The following DENND5B variants were observed in gnomAD, a reference collection of about 807,000 sequenced individuals.
DENND5B encodes the protein DENN domain-containing protein 5B.
A neutral mutation model predicts 140.6 loss-of-function variants in DENND5B; 34 were observed. The ratio of observed to expected loss-of-function variants is 0.24; its 90% CI spans 0.18 to 0.32. DENND5B has a LOEUF of 0.32. Among genes scored for constraint, DENND5B ranks in the 10% least tolerant of loss-of-function variants. The pLI, the probability that DENND5B is intolerant of heterozygous loss-of-function variation, is 1.00. For missense variants in DENND5B, 1,142 were observed against 1,560.2 expected (o/e 0.73, Z 4.52); for synonymous variants, 551 against 562.1 (o/e 0.98, Z 0.28).
At chr12:31,453,260 G>A (rs2138144279) in intron 4 of DENND5B, among the ~76,000 whole-genome samples, 1 of 152,218 alleles carries the variant, frequency 6.6e-6, no homozygotes, top group South Asian at 2.1e-4. Context: ...ATAATTAAGA[G>A]TTCACACAAG....
chr12:31,419,124 T>C (rs926785238), intron 11 of DENND5B, among the ~76,000 whole-genome samples: 3 of 152,234 alleles, frequency 2.0e-5, no homozygotes, highest in African/African-American at 7.2e-5. Flanking sequence ...AAGGTTTCCA[T>C]GAATCCTACT....
intron 1 of DENND5B, among the ~76,000 whole-genome samples, chr12:31,585,335 C>A (rs141459251): frequency 5.3e-5 from 8 of 152,158 alleles, no homozygotes; most frequent in African/African-American, 1.9e-4. Flanking sequence ...CTATTGTGAG[C>A]CAAGGATGTC....
At chr12:31,498,005 AAGAT>A (rs1041761336) in intron 1 of DENND5B, among the ~76,000 whole-genome samples, 1 of 151,672 alleles carries the variant, frequency 6.6e-6, no homozygotes, top group African/African-American at 2.4e-5. Context: ...AAAGAAAAGA[AAGAT>A]AGATTGATTT....
At chr12:31,433,123 T>C (rs780676984) in intron 8 of DENND5B, 32 bp downstream of exon 8, 1 of 1,593,134 alleles carries the variant, frequency 6.3e-7, no homozygotes, top group Non-Finnish European at 8.6e-7. Flanking sequence ...TGGCGCTTGC[T>C]GTGAGGCACC....
intron 3 of DENND5B, among the ~76,000 whole-genome samples, chr12:31,463,266 A>C (rs1221352603): frequency 7.0e-6 from 1 of 143,780 alleles, no homozygotes. Context: ...TCTCAAAAAA[A>C]CAAAAAACAA....
chr12:31,542,107 G>A (rs1394450287), intron 1 of DENND5B, among the ~76,000 whole-genome samples: 2 of 152,044 alleles, frequency 1.3e-5, no homozygotes, highest in Non-Finnish European at 2.9e-5. Flanking sequence ...CCAATACGGT[G>A]AAACCCTGTC....
chr12:31,411,140 A>G (rs1183927103), intron 13 of DENND5B, among the ~76,000 whole-genome samples: 1 of 151,784 alleles, frequency 6.6e-6, no homozygotes, highest in Non-Finnish European at 1.5e-5. Context: ...CCCAGGCTCA[A>G]GCGATTCTCC....
At chr12:31,422,298 C>T (rs535807342) in intron 11 of DENND5B, among the ~76,000 whole-genome samples, 13 of 150,648 alleles carry the variant, frequency 8.6e-5, no homozygotes, top group Middle Eastern at 3.4e-3. Flanking sequence ...GGCGTGCTCA[C>T]GGGCACCTGT....
intron 2 of DENND5B, among the ~76,000 whole-genome samples, chr12:31,486,691 G>A (rs909680625): frequency 1.1e-4 from 16 of 152,170 alleles, no homozygotes; most frequent in African/African-American, 3.9e-4. Context: ...ACTGGTAGGC[G>A]GATGGATTGT....
chr12:31,508,858 A>G (rs1947303553), intron 1 of DENND5B, among the ~76,000 whole-genome samples: 1 of 152,178 alleles, frequency 6.6e-6, no homozygotes, highest in African/African-American at 2.4e-5. Context: ...AAGATGACTA[A>G]GACCCTCCCA....
At chr12:31,548,384 C>CA (rs1451203785) in intron 1 of DENND5B, among the ~76,000 whole-genome samples, 1 of 118,288 alleles carries the variant, frequency 8.5e-6, no homozygotes, top group Non-Finnish European at 1.7e-5. Context: ...ACATCTGTCT[C>CA]AAAAAACAAA....
intron 6 of DENND5B, 119 bp from the exon 7 acceptor site, chr12:31,443,044 T>TGTG (rs1565582920): frequency 7.9e-6 from 4 of 506,180 alleles, no homozygotes; most frequent in East Asian, 3.6e-5. Flanking sequence ...GAAACAGATA[T>TGTG]TGTGTGTGTG....
chr12:31,578,103 G>T, intron 1 of DENND5B, among the ~76,000 whole-genome samples: 1 of 148,328 alleles, frequency 6.7e-6, no homozygotes. Context: ...CTCCAGCCTG[G>T]GGGACAAAGT....
Position 31,392,626 on chromosome 12 carries a change from T to G in DENND5B, c.3327A>C (p.Lys1109Asn). The change falls in exon 18 of 21, where the codon AAA becomes AAC. Residue 1109 changes from lysine (K) to asparagine (N), a missense_variant. By Grantham distance (94) the Lys-to-Asn change is moderately conservative (BLOSUM62 0). Coordinates refer to ENST00000389082, the MANE Select transcript of DENND5B (RefSeq NM_144973.4). ...AGCCCATAAATACCTCTTTTTCAGG[T>G]TTATGAAAATGTTTCACAATATTGT... ...AVNNIVKHFH[K>N]PEKERGSLTV... 1 of 1,556,882 alleles carries G rather than the reference T, an allele frequency of 6.4e-7. No homozygotes were observed. The highest frequency in any genetic ancestry group is 8.7e-7 in the Non-Finnish European group (1 of 1,149,294).
intron 5 of DENND5B, among the ~76,000 whole-genome samples, chr12:31,449,061 A>T (rs111556929): frequency 0.029 from 4,473 of 152,244 alleles, 228 homozygotes; most frequent in African/African-American, 0.1. Context: ...TCTACATTCA[A>T]TGCAGTACTA....
chr12:31,547,896 G>A (rs1218648182), intron 1 of DENND5B, among the ~76,000 whole-genome samples: 1 of 151,962 alleles, frequency 6.6e-6, no homozygotes, highest in Non-Finnish European at 1.5e-5. Flanking sequence ...AGTAGAGGCA[G>A]GGTTTCACCA....
At position 31,461,275 on chromosome 12, in the gene DENND5B, C is replaced by T. The variant is rs114638645; in HGVS notation, c.905-894G>A. On this transcript the variant is annotated intron_variant, in intron 3 of 20. Coordinates refer to ENST00000389082, the MANE Select transcript of DENND5B (RefSeq NM_144973.4). Reference sequence around the variant, plus strand: ...GGGGGTACAAGAAGTCAAACAGATACATGCATTCATAGTTACACTTTCTAT... The same window carrying T: ...GGGGGTACAAGAAGTCAAACAGATATATGCATTCATAGTTACACTTTCTAT... 2.5e-3 allele frequency among the ~76,000 whole-genome samples: 379 copies of T among 152,226 alleles called. 2 individuals are homozygous for T. Among genetic ancestry groups the T allele is most frequent in the African/African-American group, 8.8e-3 (364 of 41,540 alleles).
At chr12:31,581,677 C>T (rs1262449168) in intron 1 of DENND5B, among the ~76,000 whole-genome samples, 1 of 120,834 alleles carries the variant, frequency 8.3e-6, no homozygotes, top group Non-Finnish European at 1.6e-5. Flanking sequence ...TGGGCAACAA[C>T]AGGGAAACTC....
chr12:31,544,520 A>G (rs1193252598), intron 1 of DENND5B, among the ~76,000 whole-genome samples: 1 of 152,174 alleles, frequency 6.6e-6, no homozygotes, highest in Non-Finnish European at 1.5e-5. Context: ...CCTGGGCTCA[A>G]GTGATCCTCC....
Sources: allele counts gnomAD v4.1 joint callset (sites outside exome capture counted in the v4.1 genomes callset), GRCh38; gene constraint gnomAD v4.1.1; transcripts MANE v1.5; gene names NCBI Gene and HGNC (gene_info 2026-07-23, HGNC 2026-07-21).